ADAMTS17: variants seen among roughly 807,000 people sequenced by gnomAD.
The protein encoded by ADAMTS17 is ADAM metallopeptidase with thrombospondin type 1 motif 17, also known as A disintegrin and metalloproteinase with thrombospondin motifs 17.
Under a neutral mutation model 141.5 loss-of-function variants are expected in ADAMTS17, and 113 were observed. The observed-to-expected ratio is 0.80, with a 90% CI of 0.69 to 0.93. The LOEUF (loss-of-function observed/expected upper bound fraction) is 0.93. Ranked by LOEUF, ADAMTS17 falls within the 40% of genes least tolerant of loss-of-function variation. The pLI is 0.00. For synonymous variants in ADAMTS17, 768 were observed against 630.6 expected (o/e 1.22, Z -3.27); for missense variants, 1,659 against 1,517.9 (o/e 1.09, Z -1.54).
chr15:100,145,667 T>TC (rs2038867420), intron 10 of ADAMTS17, among the ~76,000 whole-genome samples: 1 of 152,196 alleles, frequency 6.6e-6, no homozygotes, highest in African/African-American at 2.4e-5. Context: ...TTGTATATGT[T>TC]TATTAATAGA....
intron 8 of ADAMTS17, among the ~76,000 whole-genome samples, chr15:100,158,166 C>T (rs766597472): frequency 6.6e-6 from 1 of 152,254 alleles, no homozygotes; most frequent in African/African-American, 2.4e-5. Context: ...GGATTACAGG[C>T]GTCAGCCACT....
chr15:100,145,662 T>TTA (rs2038867060), intron 10 of ADAMTS17, among the ~76,000 whole-genome samples: 1 of 152,206 alleles, frequency 6.6e-6, no homozygotes, highest in African/African-American at 2.4e-5. Context: ...GAGAATTGTA[T>TTA]ATGTTTATTA....
chr15:100,152,355 G>A (rs1262308227), intron 10 of ADAMTS17, among the ~76,000 whole-genome samples: 1 of 151,498 alleles, frequency 6.6e-6, no homozygotes, highest in Non-Finnish European at 1.5e-5. Context: ...GTGTGTAGAT[G>A]TGTGCCTGCA....
At chr15:100,335,344 C>T (rs1437426772) in intron 2 of ADAMTS17, among the ~76,000 whole-genome samples, 1 of 152,200 alleles carries the variant, frequency 6.6e-6, no homozygotes, top group Non-Finnish European at 1.5e-5. Flanking sequence ...CCCACAAATC[C>T]ACTCATGGGT....
rs140255903 is a variant in ADAMTS17 at position 99,973,963 on chromosome 15, C to T, written c.*439G>A. ...GGGCAGAGGCTCACCAACACCTGCCCCTCCCTCCATGGTGTCGCCGGCTTT... is the reference window on the plus strand; with the variant it reads ...GGGCAGAGGCTCACCAACACCTGCCTCTCCCTCCATGGTGTCGCCGGCTTT... On this transcript the variant is annotated 3_prime_UTR_variant, in exon 22 of 22. Transcript: ENST00000268070. 0.029 allele frequency: 7,347 copies of T among 256,902 alleles called. 167 individuals are homozygous for T. Among genetic ancestry groups the T allele is most frequent in the Middle Eastern group, 0.053 (38 of 718 alleles). The allele number at this position is 256,902 out of a possible 1,614,324, so 15.9% of individuals were successfully genotyped here. A position where few individuals can be genotyped will look rare whatever the true frequency, so the allele number is the denominator to read the frequency against.
intron 16 of ADAMTS17, among the ~76,000 whole-genome samples, chr15:100,052,811 TGA>T (rs1196480690): frequency 3.3e-5 from 5 of 152,344 alleles, no homozygotes; most frequent in South Asian, 2.1e-4. Context: ...CTTAGCGGGC[TGA>T]GAGGTGCGCT....
intron 13 of ADAMTS17, among the ~76,000 whole-genome samples, chr15:100,110,509 C>G (rs1175360336): frequency 2.6e-5 from 4 of 151,960 alleles, no homozygotes; most frequent in African/African-American, 9.7e-5. Flanking sequence ...CGTGACTTGC[C>G]TGCCTCGGCC....
At chr15:100,323,208 A>G (rs1385478825) in intron 3 of ADAMTS17, among the ~76,000 whole-genome samples, 1 of 152,172 alleles carries the variant, frequency 6.6e-6, no homozygotes, top group Non-Finnish European at 1.5e-5. Flanking sequence ...TGCTGTGTTT[A>G]CATATATTAA....
chr15:100,066,051 G>T (rs990918532), intron 15 of ADAMTS17, among the ~76,000 whole-genome samples: 1 of 152,202 alleles, frequency 6.6e-6, no homozygotes, highest in Non-Finnish European at 1.5e-5. Context: ...CAAAGGACAT[G>T]AACTCATTCT....
At chr15:100,119,129 A>G (rs2037319017) in intron 12 of ADAMTS17, among the ~76,000 whole-genome samples, 1 of 151,758 alleles carries the variant, frequency 6.6e-6, no homozygotes, top group Non-Finnish European at 1.5e-5. Flanking sequence ...GCTGAGAGAG[A>G]GGCCTGGAAC....
At chr15:100,252,215 A>G (rs2141953600) in intron 7 of ADAMTS17, among the ~76,000 whole-genome samples, 1 of 152,350 alleles carries the variant, frequency 6.6e-6, no homozygotes, top group Non-Finnish European at 1.5e-5. Flanking sequence ...CATAAATCCT[A>G]TGGAAGAAAA....
At chr15:100,186,373 A>G (rs2077509224) in intron 8 of ADAMTS17, among the ~76,000 whole-genome samples, 1 of 152,176 alleles carries the variant, frequency 6.6e-6, no homozygotes, top group African/African-American at 2.4e-5. Context: ...TAAAATGCAA[A>G]TACTACTACT....
chr15:100,298,133 C>T (rs747053950), intron 3 of ADAMTS17, among the ~76,000 whole-genome samples: 2 of 152,028 alleles, frequency 1.3e-5, no homozygotes, highest in African/African-American at 2.4e-5. Context: ...GAGGAAATGG[C>T]GCAAACTTTG....
At chr15:99,979,894 C>T (rs1032063866) in intron 20 of ADAMTS17, 77 of 152,284 alleles carry the variant, frequency 5.1e-4, no homozygotes, top group African/African-American at 1.7e-3. Context: ...TTTGATGAGT[C>T]CACTTACATC....
intron 8 of ADAMTS17, among the ~76,000 whole-genome samples, chr15:100,158,807 A>G (rs1210378061): frequency 6.6e-6 from 1 of 152,222 alleles, no homozygotes; most frequent in Non-Finnish European, 1.5e-5. Flanking sequence ...AAAATGGGCT[A>G]AAGACTTGAG....
intron 16 of ADAMTS17, among the ~76,000 whole-genome samples, chr15:100,052,447 G>T (rs1488622286): frequency 6.6e-6 from 1 of 152,222 alleles, no homozygotes; most frequent in Non-Finnish European, 1.5e-5. Flanking sequence ...CTTCAGTTAC[G>T]GTAGTAGTTG....
intron 10 of ADAMTS17, among the ~76,000 whole-genome samples, chr15:100,147,162 T>C (rs1333966434): frequency 1.3e-5 from 2 of 152,154 alleles, no homozygotes; most frequent in Non-Finnish European, 2.9e-5. Flanking sequence ...GGGGGCATCA[T>C]GGAACCTACC....
intron 9 of ADAMTS17, among the ~76,000 whole-genome samples, chr15:100,153,565 A>AC (rs2039291444): frequency 6.6e-6 from 1 of 152,010 alleles, no homozygotes; most frequent in Non-Finnish European, 1.5e-5. Context: ...AATTACTTGA[A>AC]CTCAGGAGGC....
At chr15:100,288,018 T>G (rs1036574923) in intron 3 of ADAMTS17, among the ~76,000 whole-genome samples, 1 of 152,178 alleles carries the variant, frequency 6.6e-6, no homozygotes, top group African/African-American at 2.4e-5. Flanking sequence ...CGATATTAGC[T>G]TTGAATATAA....
Sources: gnomAD v4.1 joint callset for allele counts (sites outside exome capture counted in the v4.1 genomes callset) on GRCh38, gnomAD v4.1.1 for gene constraint, MANE v1.5 for transcripts, NCBI Gene and HGNC (gene_info 2026-07-23, HGNC 2026-07-21) for gene names.